The following XXYLT1 variants were observed in gnomAD, a reference collection of about 807,000 sequenced individuals.
XXYLT1 encodes the protein xyloside xylosyltransferase 1.
In XXYLT1, 20 loss-of-function variants were observed where a neutral mutation model predicts 28.9. That is an observed-to-expected ratio of 0.69 (90% CI 0.49 to 1.00). The LOEUF is 1.00. Ranked by LOEUF, XXYLT1 falls within the 50% of genes least tolerant of loss-of-function variation. The pLI, the probability that XXYLT1 is intolerant of heterozygous loss-of-function variation, is 0.00. For missense variants in XXYLT1, 542 were observed against 560.1 expected, an observed-to-expected ratio of 0.97 and a Z score of 0.33; for synonymous variants, 257 against 253.8, an observed-to-expected ratio of 1.01 and a Z score of -0.12.
intron 3 of XXYLT1, among the ~76,000 whole-genome samples, chr3:195,132,024 A>C (rs868367445): frequency 6.6e-6 from 1 of 152,176 alleles, no homozygotes; most frequent in East Asian, 1.9e-4. Context: ...TGGGGGAGCC[A>C]GGCGGGACCT....
chr3:195,074,779 G>A (rs1715021608), intron 3 of XXYLT1, among the ~76,000 whole-genome samples: 1 of 152,178 alleles, frequency 6.6e-6, no homozygotes, highest in African/African-American at 2.4e-5. Flanking sequence ...ACTGCCCTGT[G>A]GTATCAAACT....
chr3:195,137,425 T>C (rs1248515009), intron 3 of XXYLT1, among the ~76,000 whole-genome samples: 1 of 152,142 alleles, frequency 6.6e-6, no homozygotes, highest in Non-Finnish European at 1.5e-5. Flanking sequence ...GCACCATGGA[T>C]AAGAGCACAA....
intron 3 of XXYLT1, among the ~76,000 whole-genome samples, chr3:195,083,663 C>A (rs1372747386): frequency 3.3e-5 from 5 of 152,230 alleles, no homozygotes; most frequent in Non-Finnish European, 7.3e-5. Context: ...TACATTATCT[C>A]AATTCCTCAC....
chr3:195,227,337 C>T (rs76914325), intron 1 of XXYLT1, among the ~76,000 whole-genome samples: 2,394 of 152,318 alleles, frequency 0.016, 58 homozygotes, highest in African/African-American at 0.055. Context: ...TGCTCCAGCT[C>T]TACCTCCCTC....
intron 3 of XXYLT1, among the ~76,000 whole-genome samples, chr3:195,120,044 G>A (rs1006033879): frequency 5.3e-5 from 8 of 152,208 alleles, no homozygotes; most frequent in Non-Finnish European, 1.2e-4. Flanking sequence ...TCTAGGATCA[G>A]ATTCCACTCA....
intron 3 of XXYLT1, among the ~76,000 whole-genome samples, chr3:195,128,608 C>A (rs868825530): frequency 6.6e-6 from 1 of 152,204 alleles, no homozygotes; most frequent in South Asian, 2.1e-4. Context: ...CTACCCTGAG[C>A]CACTGCTCCT....
intron 2 of XXYLT1, among the ~76,000 whole-genome samples, chr3:195,201,904 C>T (rs548601525): frequency 1.8e-4 from 28 of 152,274 alleles, no homozygotes; most frequent in African/African-American, 4.6e-4. Flanking sequence ...CAGGGCCGGG[C>T]GCGGTGGCTC....
intron 2 of XXYLT1, among the ~76,000 whole-genome samples, chr3:195,163,870 C>T (rs185213315): frequency 1.3e-5 from 2 of 152,378 alleles, no homozygotes; most frequent in East Asian, 3.9e-4. Flanking sequence ...GCCAACTTGG[C>T]TGCATTCCAG....
rs1224392176 is a variant in XXYLT1 at position 195,210,598 on chromosome 3, A to C, written c.652+16111T>G. Among the ~76,000 whole-genome samples the C allele has an allele frequency of 1.3e-5, 2 of 152,188 alleles. No individual in the cohort carries two copies. The highest frequency in any genetic ancestry group is 2.9e-5 in the Non-Finnish European group (2 of 68,010). ...TTACTGTTCAACCAATTTGGCAACTATTTTCATTAGCTTAGAAAGAGCTTC... is the reference window on the plus strand; with the variant it reads ...TTACTGTTCAACCAATTTGGCAACTCTTTTCATTAGCTTAGAAAGAGCTTC... On this transcript the variant is annotated intron_variant, in intron 2 of 3. Coordinates refer to ENST00000310380, the MANE Select transcript of XXYLT1 (RefSeq NM_152531.5). The surrounding 1 kb of genome is among the most constrained non-coding windows in gnomAD (Gnocchi z 4.8).
intron 3 of XXYLT1, among the ~76,000 whole-genome samples, chr3:195,138,874 AAAAG>A (rs1189347937): frequency 2.0e-5 from 3 of 150,316 alleles, no homozygotes; most frequent in South Asian, 2.1e-4. Context: ...AAAAAAAAAA[AAAAG>A]AAAGAAAGAA....
intron 3 of XXYLT1, among the ~76,000 whole-genome samples, chr3:195,075,698 T>C (rs1016079342): frequency 6.6e-6 from 1 of 151,966 alleles, no homozygotes; most frequent in African/African-American, 2.4e-5. Context: ...CCTGGGGAAA[T>C]AGGAGGGACA....
At chr3:195,223,731 G>A (rs934213669) in intron 2 of XXYLT1, among the ~76,000 whole-genome samples, 3 of 152,114 alleles carry the variant, frequency 2.0e-5, no homozygotes, top group Admixed American at 1.3e-4. Context: ...AGTGTGCCAG[G>A]CCAGACTTCC....
chr3:195,178,200 G>A (rs2108731205), intron 2 of XXYLT1, among the ~76,000 whole-genome samples: 1 of 151,882 alleles, frequency 6.6e-6, no homozygotes, highest in East Asian at 1.9e-4. Flanking sequence ...CCACATCTGG[G>A]CAAGCTGATA....
rs533577470 is a variant in XXYLT1, at chr3:195,087,733, G to A, written c.786-17622C>T. Among the ~76,000 whole-genome samples the A allele has an allele frequency of 7.9e-5, 12 of 152,326 alleles. No homozygotes were observed. In the South Asian group the frequency reaches 8.3e-4, roughly 11 times the overall value. On this transcript the variant is annotated intron_variant, in intron 3 of 3. Transcript: ENST00000310380. ...GTGTACAGCTCCCAGCGTGAGCGAC[G>A]CAGAAGACGGTGATTTCTGCATTTC...
At chr3:195,201,475 A>C (rs1225098547) in intron 2 of XXYLT1, among the ~76,000 whole-genome samples, 2 of 152,154 alleles carry the variant, frequency 1.3e-5, no homozygotes, top group Non-Finnish European at 2.9e-5. Context: ...CAAGACTCAG[A>C]CGCTCCTCTC....
intron 3 of XXYLT1, among the ~76,000 whole-genome samples, chr3:195,139,309 G>GTT (rs1719360130): frequency 6.6e-6 from 1 of 152,124 alleles, no homozygotes; most frequent in South Asian, 2.1e-4. Context: ...GAAATTGAAA[G>GTT]TCGAGCAGAG....
At chr3:195,269,870 T>C (rs1006073564) in intron 1 of XXYLT1, among the ~76,000 whole-genome samples, 6 of 152,236 alleles carry the variant, frequency 3.9e-5, no homozygotes, top group South Asian at 2.1e-4. Context: ...TAAACAGAGA[T>C]GGAAGCTGTC....
chr3:195,071,895 C>T (rs111831261), intron 3 of XXYLT1, among the ~76,000 whole-genome samples: 4 of 152,072 alleles, frequency 2.6e-5, no homozygotes, highest in Non-Finnish European at 4.4e-5. Context: ...AAGCGTTTAC[C>T]GAGGTGGAGC....
chr3:195,134,870 C>CGCGT (rs1553808202), intron 3 of XXYLT1, among the ~76,000 whole-genome samples: 14 of 124,244 alleles, frequency 1.1e-4, no homozygotes, highest in African/African-American at 4.5e-4. Context: ...TGTGTGTGTG[C>CGCGT]GTGTGCGCGC....
Sources: gnomAD v4.1 joint callset for allele counts (sites outside exome capture counted in the v4.1 genomes callset) on GRCh38, gnomAD v4.1.1 for gene constraint, Gnocchi (gnomAD v3.1) non-coding constraint, MANE v1.5 for transcripts, NCBI Gene and HGNC (gene_info 2026-07-23, HGNC 2026-07-21) for gene names.